Variants in ZNF492 observed in about 807,000 individuals in gnomAD.
The protein encoded by ZNF492 is zinc finger protein 115 (Y20).
ZNF492 carries 3 observed loss-of-function variants against 6.4 expected under a neutral mutation model. The ratio of observed to expected loss-of-function variants is 0.47; its 90% CI spans 0.21 to 1.22. The LOEUF (loss-of-function observed/expected upper bound fraction) is 1.22, where lower values mean the gene tolerates loss of function less well. Among genes scored for constraint, ZNF492 ranks in the 50% most tolerant of loss-of-function variants. The pLI, the probability that ZNF492 is intolerant of heterozygous loss-of-function variation, is 0.22. For synonymous variants in ZNF492, 112 were observed against 205.3 expected (o/e 0.55, Z 3.89); for missense variants, 356 against 612.5 (o/e 0.58, Z 4.42).
rs758637692 is a variant in ZNF492, at chr19:22,659,667, G to GT, written c.131-4117dup. 4.9e-3 allele frequency among the ~76,000 whole-genome samples: 496 copies of GT among 101,852 alleles called. 7 individuals carry two copies. Among genetic ancestry groups the GT allele is most frequent in the African/African-American group, 8.6e-3 (270 of 31,458 alleles). 66.8% of individuals were successfully genotyped at this position (101,852 alleles called of 152,430 possible). ...AAATCTGAAGTGGTTTTTTTTTGTT[G>GT]TTTTTTTTTTTTTTTTGAGACAGAG... is the stretch of plus-strand genomic sequence containing the variant. On this transcript the variant is annotated intron_variant, in intron 3 of 3. Transcript: ENST00000456783.
rs1972066438 is a variant in ZNF492 at position 22,662,221 on chromosome 19, A to G, written c.131-1579A>G. ...TCCTTGTGATAGTGTGCTCAGAATG[A>G]TGGTTTCCAGCTTCATCCATGTCCC... On this transcript the variant is annotated intron_variant, in intron 3 of 3. Transcript: ENST00000456783. 2.6e-5 allele frequency among the ~76,000 whole-genome samples: 4 copies of G among 152,060 alleles called. No individual in the cohort carries two copies. The South Asian group carries it at 8.3e-4, about 32-fold the overall frequency.
At chr19:22,650,251 T>C (rs1481622043) in intron 1 of ZNF492, among the ~76,000 whole-genome samples, 1 of 152,076 alleles carries the variant, frequency 6.6e-6, no homozygotes, top group Non-Finnish European at 1.5e-5. Context: ...CCTGGAGATA[T>C]TAAGGAGATT....
intron 1 of ZNF492, among the ~76,000 whole-genome samples, chr19:22,639,482 G>A (rs1971802345): frequency 6.6e-6 from 1 of 151,774 alleles, no homozygotes; most frequent in Non-Finnish European, 1.5e-5. Context: ...AGGCCAAGGC[G>A]GGCAGATCAT....
intron 3 of ZNF492, among the ~76,000 whole-genome samples, chr19:22,659,301 A>T (rs1290375856): frequency 6.7e-6 from 1 of 149,914 alleles, no homozygotes; most frequent in African/African-American, 2.5e-5. Flanking sequence ...TTGTAATAAG[A>T]GGAGGTCTAT....
At chr19:22,660,180 GA>G (rs140402601) in intron 3 of ZNF492, among the ~76,000 whole-genome samples, 1 of 151,534 alleles carries the variant, frequency 6.6e-6, no homozygotes, top group African/African-American at 2.4e-5. Context: ...GACTCTTGTA[GA>G]AAAAAAAGTT....
chr19:22,645,264 C>T (rs1264519126), intron 1 of ZNF492, among the ~76,000 whole-genome samples: 1 of 152,140 alleles, frequency 6.6e-6, no homozygotes, highest in Non-Finnish European at 1.5e-5. Context: ...CCAGGCTGGT[C>T]TCGAACTCCA....
intron 3 of ZNF492, among the ~76,000 whole-genome samples, chr19:22,662,063 G>A: frequency 6.6e-6 from 1 of 151,710 alleles, no homozygotes; most frequent in East Asian, 1.9e-4. Flanking sequence ...TGTGCCATGG[G>A]TTAATGCTAT....
rs1265826706 is a variant in ZNF492, at chr19:22,645,342, C to T, written c.-93-7965C>T. On this transcript the variant is annotated intron_variant, in intron 1 of 3. Transcript: ENST00000456783. The stretch of plus-strand genomic sequence containing the variant: ...GAGTACAGGCATGAGCCACTACACC[C>T]AGCCTTTGCTCACTTTTTGATGGAA... 9.9e-5 allele frequency among the ~76,000 whole-genome samples: 15 copies of T among 152,090 alleles called. 1 individual carries two copies. Among genetic ancestry groups the T allele is most frequent in the Admixed American group, 9.8e-4 (15 of 15,248 alleles).
In ZNF492 at chr19:22,634,354, G is replaced by A. The variant is rs1326894246; in HGVS notation, c.-214G>A. The A allele has an allele frequency of 6.4e-6, 7 of 1,093,158 alleles. No homozygotes were observed. The highest frequency in any genetic ancestry group is 8.1e-6 in the Non-Finnish European group (6 of 742,152). The allele number at this position is 1,093,158 out of a possible 1,614,324, so 67.7% of individuals were successfully genotyped here. A position where few individuals can be genotyped will look rare whatever the true frequency, so the allele number is the denominator to read the frequency against. ...TGTCTCTCGCTGCAGTCGGAGTATGGTCTAGTGTTCGCTGTTCTGCGTCCT... is the reference window on the plus strand; with the variant it reads ...TGTCTCTCGCTGCAGTCGGAGTATGATCTAGTGTTCGCTGTTCTGCGTCCT... On this transcript the variant is annotated 5_prime_UTR_variant, in exon 1 of 4. Coordinates refer to ENST00000456783, the MANE Select transcript of ZNF492 (RefSeq NM_020855.3).
intron 3 of ZNF492, among the ~76,000 whole-genome samples, chr19:22,654,527 C>CT (rs969478039): frequency 5.9e-4 from 81 of 136,808 alleles, no homozygotes; most frequent in African/African-American, 1.9e-3. Flanking sequence ...CTGCTTTGTC[C>CT]TTTTTTTTTC....
chr19:22,645,995 G>T (rs1049046243), intron 1 of ZNF492, among the ~76,000 whole-genome samples: 1 of 152,056 alleles, frequency 6.6e-6, no homozygotes, highest in African/African-American at 2.4e-5. Context: ...GATTGTCTTG[G>T]CTATATGGGC....
chr19:22,641,962 T>G (rs1206215614), intron 1 of ZNF492, among the ~76,000 whole-genome samples: 1 of 151,900 alleles, frequency 6.6e-6, no homozygotes, highest in Admixed American at 6.6e-5. Flanking sequence ...CCCGGCTAAT[T>G]TTTTGTGTTT....
chr19:22,663,762 C>T (rs1423479756), intron 3 of ZNF492, 38 bp from the exon 4 acceptor site: 2 of 1,447,342 alleles, frequency 1.4e-6, no homozygotes, highest in East Asian at 2.4e-5. Flanking sequence ...TCGTCTGAGT[C>T]AGTAAGTGAA....
At chr19:22,635,267 C>T (rs1305695506) in intron 1 of ZNF492, among the ~76,000 whole-genome samples, 1 of 152,072 alleles carries the variant, frequency 6.6e-6, no homozygotes. Flanking sequence ...TTTTCCCTGG[C>T]ATTTTTCACA....
intron 3 of ZNF492, among the ~76,000 whole-genome samples, chr19:22,655,159 T>C (rs1283317425): frequency 6.6e-6 from 1 of 151,656 alleles, no homozygotes; most frequent in Non-Finnish European, 1.5e-5. Flanking sequence ...TCAGGCGTGG[T>C]GACAGGCGCC....
At chr19:22,646,875 T>A (rs1971882489) in intron 1 of ZNF492, among the ~76,000 whole-genome samples, 2 of 152,182 alleles carry the variant, frequency 1.3e-5, no homozygotes, top group African/African-American at 4.8e-5. Context: ...GCCGACTTGA[T>A]CATGGTGAAT....
At position 22,647,727 on chromosome 19, in the gene ZNF492, G is replaced by GTTTTTTTTTTTTTTTTTTTTT. The variant is rs71180575; in HGVS notation, c.-93-5560_-93-5559insTTTTTTTTTTTTTTTTTTTTT. Among the ~76,000 whole-genome samples the GTTTTTTTTTTTTTTTTTTTTT allele has an allele frequency of 1.9e-4, 18 of 92,576 alleles. 1 individual carries two copies. Among genetic ancestry groups the GTTTTTTTTTTTTTTTTTTTTT allele is most frequent in the Non-Finnish European group, 2.7e-4 (13 of 48,486 alleles). The allele number at this position is 92,576 out of a possible 152,430, so 60.7% of individuals were successfully genotyped here. Reference sequence around the variant, plus strand: ...TTGCTCTTGCTTTCTAGCTCTTTTAGTTTTTTTTTTTTTTTTTTTTGAGAT... The same window carrying GTTTTTTTTTTTTTTTTTTTTT: ...TTGCTCTTGCTTTCTAGCTCTTTTAGTTTTTTTTTTTTTTTTTTTTTTTTTTTTTTTTTTTTTTTTTGAGAT... On this transcript the variant is annotated intron_variant, in intron 1 of 3. Coordinates refer to ENST00000456783, the MANE Select transcript of ZNF492 (RefSeq NM_020855.3).
intron 1 of ZNF492, among the ~76,000 whole-genome samples, chr19:22,647,254 G>C (rs1599397067): frequency 7.7e-6 from 1 of 129,318 alleles, no homozygotes; most frequent in Non-Finnish European, 1.6e-5. Context: ...TTGTTTGTTT[G>C]TTGTTGTTTT....
rs911708848 is a variant in ZNF492, at chr19:22,666,924, G to T, written c.*1659G>T. On this transcript the variant is annotated 3_prime_UTR_variant, in exon 4 of 4. Transcript: ENST00000456783. ...TTAACCTAGTCCACCTTACTCAAGG[G>T]TGTAGGTAAAAGGTGGTAACAAGGC... 2 of 152,104 alleles carry T rather than the reference G, an allele frequency of 1.3e-5. No individual in the cohort carries two copies. The highest frequency in any genetic ancestry group is 2.9e-5 in the Non-Finnish European group (2 of 68,022). The allele number at this position is 152,104 out of a possible 1,614,324, so 9.4% of individuals were successfully genotyped here. A position where few individuals can be genotyped will look rare whatever the true frequency, so the allele number is the denominator to read the frequency against.
Sources: gnomAD v4.1 joint callset for allele counts (sites outside exome capture counted in the v4.1 genomes callset) on GRCh38, gnomAD v4.1.1 for gene constraint, MANE v1.5 for transcripts, NCBI Gene and HGNC (gene_info 2026-07-23, HGNC 2026-07-21) for gene names.